ERCC3: variants seen among roughly 807,000 people sequenced by gnomAD.
ERCC3 encodes ERCC excision repair 3, TFIIH core complex helicase subunit.
ERCC3 carries 66 observed loss-of-function variants against 94.2 expected under a neutral mutation model. The ratio of observed to expected loss-of-function variants is 0.70; its 90% CI spans 0.57 to 0.86. The LOEUF is 0.86. Among genes scored for constraint, ERCC3 ranks in the 40% least tolerant of loss-of-function variants. ERCC3 has a pLI of 0.00. For synonymous variants in ERCC3, 349 were observed against 369.1 expected, an observed-to-expected ratio of 0.95 and a Z score of 0.63; for missense variants, 829 against 987.1, an observed-to-expected ratio of 0.84 and a Z score of 2.15.
Position 127,281,436 on chromosome 2 carries a change from CAAATA to C in ERCC3, c.1343-810_1343-806del, listed in dbSNP as rs371537448. On this transcript the variant is annotated intron_variant, in intron 8 of 14. Transcript: ENST00000285398. ...AACATTATAATTCTCTCTGGTTTAT[CAAATA>C]AAATAAACACATAAAGGGTATGAGT... Among the ~76,000 whole-genome samples, 302 of 152,188 alleles carry C rather than the reference CAAATA, an allele frequency of 2.0e-3. 2 individuals carry two copies. Among genetic ancestry groups the C allele is most frequent in the African/African-American group, 7.1e-3 (295 of 41,520 alleles).
chr2:127,280,564 G>A lies in ERCC3; in HGVS notation c.1410C>T (p.Leu470=), dbSNP rs199795595. The change falls in exon 9 of 15, where the codon CTC becomes CTT. Residue 470 remains leucine (L), a synonymous_variant. Coordinates refer to ENST00000285398, the MANE Select transcript of ERCC3 (RefSeq NM_000122.2). The surrounding 1 kb of genome is among the most constrained non-coding windows in gnomAD (Gnocchi z 6.3). ...CCACAATTTTGTCATCTTCGCGGAC[G>A]AGGGTCGCAGTCAAACCCAGCTTAC... is the stretch of plus-strand genomic sequence containing the variant. ...AHCKLGLTAT[L]VREDDKIVDL... The A allele has an allele frequency of 7.7e-5, 124 of 1,614,156 alleles. No homozygotes were observed. Among genetic ancestry groups the A allele is most frequent in the Non-Finnish European group, 9.7e-5 (114 of 1,180,006 alleles).
At chr2:127,281,474 T>C (rs1684908987) in intron 8 of ERCC3, among the ~76,000 whole-genome samples, 1 of 152,212 alleles carries the variant, frequency 6.6e-6, no homozygotes, top group South Asian at 2.1e-4. Context: ...AGTTATTCAT[T>C]TTTAAAAAAC....
At chr2:127,275,202 C>CTT (rs999485684) in intron 10 of ERCC3, among the ~76,000 whole-genome samples, 1 of 151,210 alleles carries the variant, frequency 6.6e-6, no homozygotes, top group African/African-American at 2.4e-5. Context: ...CACAGGATCA[C>CTT]TTTTTTTTTA....
chr2:127,269,544 C>T (rs1340769089), intron 12 of ERCC3, among the ~76,000 whole-genome samples: 1 of 150,988 alleles, frequency 6.6e-6, no homozygotes, highest in Non-Finnish European at 1.5e-5. Context: ...GCCTCAGCCT[C>T]CCGAGTAGCT....
intron 6 of ERCC3, among the ~76,000 whole-genome samples, 189 bp from the exon 7 acceptor site, chr2:127,289,053 G>T (rs1323163925): frequency 6.6e-6 from 1 of 152,214 alleles, no homozygotes; most frequent in African/African-American, 2.4e-5. Flanking sequence ...CTTTGAAAAT[G>T]AAATCTAATC....
intron 12 of ERCC3, among the ~76,000 whole-genome samples, chr2:127,268,014 T>C (rs1038861116): frequency 6.6e-6 from 1 of 152,038 alleles, no homozygotes; most frequent in African/African-American, 2.4e-5. Context: ...AGTGCAATGG[T>C]GCAATCTCGG....
Position 127,259,811 on chromosome 2 carries a change from T to A in ERCC3, c.2065-363A>T. On this transcript the variant is annotated intron_variant, in intron 13 of 14. Coordinates refer to ENST00000285398, the MANE Select transcript of ERCC3 (RefSeq NM_000122.2). The surrounding 1 kb of genome is among the most constrained non-coding windows in gnomAD (Gnocchi z 4.9). ...GCAGACAAAGGAAGGGACAAGTGACTGGAAGGCACAGGCTGTGGCCCTTTG... is the reference window on the plus strand; with the variant it reads ...GCAGACAAAGGAAGGGACAAGTGACAGGAAGGCACAGGCTGTGGCCCTTTG... 1 of 358,250 alleles carries A rather than the reference T, an allele frequency of 2.8e-6. No homozygotes were observed. The highest frequency in any genetic ancestry group is 5.4e-6 in the Non-Finnish European group (1 of 184,486). The allele number at this position is 358,250 out of a possible 1,614,324, so 22.2% of individuals were successfully genotyped here. A position where few individuals can be genotyped will look rare whatever the true frequency, so the allele number is the denominator to read the frequency against.
chr2:127,288,997 T>C, intron 6 of ERCC3, 133 bp from the exon 7 acceptor site: 1 of 836,728 alleles, frequency 1.2e-6, no homozygotes, highest in South Asian at 1.4e-5. Flanking sequence ...TCTTGCTCAG[T>C]CAACAACCGG....
rs374264195 is a variant in ERCC3 at position 127,286,889 on chromosome 2, C to T, written c.1156G>A (p.Asp386Asn). ...AQFKMWSTIDDSQICRFTSDA... is the reference protein window; with the variant it reads ...AQFKMWSTIDNSQICRFTSDA... The stretch of plus-strand genomic sequence containing the variant: ...GAGGTGAACCGGCAGATCTGGCTGT[C>T]GTCAATGGTGGACCACATCTTGAAC... The change falls in exon 8 of 15, where the codon GAC becomes AAC. Residue 386 changes from aspartate to asparagine, a missense_variant. By Grantham distance (23) the Asp-to-Asn change is conservative (BLOSUM62 1). Coordinates refer to ENST00000285398, the MANE Select transcript of ERCC3 (RefSeq NM_000122.2). 2.0e-5 allele frequency: 32 copies of T among 1,614,066 alleles called. No individual in the cohort carries two copies. The highest frequency in any genetic ancestry group is 6.7e-5 in the East Asian group (3 of 44,900).
Position 127,260,946 on chromosome 2 carries a change from T to C in ERCC3, c.2064+282A>G, listed in dbSNP as rs4150515. Reference sequence around the variant, plus strand: ...CAGCTGATGAAAGGAAGAGCTCTCCTAGCTACCTAGAGAGGCATCCCTGAG... The same window carrying C: ...CAGCTGATGAAAGGAAGAGCTCTCCCAGCTACCTAGAGAGGCATCCCTGAG... On this transcript the variant is annotated intron_variant, in intron 13 of 14. Coordinates refer to ENST00000285398, the MANE Select transcript of ERCC3 (RefSeq NM_000122.2). 0.07 allele frequency: 31,714 copies of C among 449,922 alleles called. 1,525 individuals are homozygous for C. The highest frequency in any genetic ancestry group is 0.17 in the African/African-American group (8,478 of 50,492). 27.9% of individuals were successfully genotyped at this position (449,922 alleles called of 1,614,324 possible).
chr2:127,285,489 G>C (rs187043570), intron 8 of ERCC3, among the ~76,000 whole-genome samples: 1 of 152,270 alleles, frequency 6.6e-6, no homozygotes, highest in Admixed American at 6.5e-5. Flanking sequence ...TCAGGAGTTT[G>C]AGACCAGCCT....
intron 12 of ERCC3, among the ~76,000 whole-genome samples, chr2:127,263,081 G>T (rs1558947913): frequency 1.3e-5 from 2 of 152,232 alleles, no homozygotes; most frequent in African/African-American, 4.8e-5. Flanking sequence ...ATAGTTTGAA[G>T]TTGGATACTG....
rs1251030097 is a variant in ERCC3 at position 127,290,264 on chromosome 2, C to G, written c.481G>C (p.Val161Leu). 3 of 1,613,400 alleles carry G rather than the reference C, an allele frequency of 1.9e-6. No homozygotes were observed. Among genetic ancestry groups the G allele is most frequent in the Admixed American group, 3.3e-5 (2 of 60,002 alleles). The change falls in exon 4 of 15, where the codon GTC (valine) becomes CTC (leucine). Residue 161 changes from valine to leucine, a missense_variant. Transcript: ENST00000285398. Reference protein sequence around the residue: ...GIMQFIKLCTVSYGKVKLVLK... With the variant: ...GIMQFIKLCTLSYGKVKLVLK... ...ACCAGCTTGACTTTTCCATAGCTGA[C>G]AGTACACAACTGCAAATACAGATAA...
intron 12 of ERCC3, among the ~76,000 whole-genome samples, chr2:127,269,289 G>A (rs1573937162): frequency 6.6e-6 from 1 of 152,180 alleles, no homozygotes; most frequent in Non-Finnish European, 1.5e-5. Context: ...TAGTTCAAAT[G>A]TCAGTAGGTT....
chr2:127,288,338 C>A (rs2104773720), intron 7 of ERCC3, among the ~76,000 whole-genome samples: 1 of 152,308 alleles, frequency 6.6e-6, no homozygotes, highest in Non-Finnish European at 1.5e-5. Context: ...AATCTCACCC[C>A]TCATGTGCTC....
At chr2:127,283,932 G>C (rs1422256152) in intron 8 of ERCC3, among the ~76,000 whole-genome samples, 2 of 152,132 alleles carry the variant, frequency 1.3e-5, no homozygotes, top group African/African-American at 4.8e-5. Context: ...ATGCCTAACA[G>C]GAAACTCAAA....
At chr2:127,263,895 G>A (rs1301353864) in intron 12 of ERCC3, among the ~76,000 whole-genome samples, 5 of 151,964 alleles carry the variant, frequency 3.3e-5, no homozygotes, top group Non-Finnish European at 7.4e-5. Flanking sequence ...TTTTAGTAGG[G>A]ATGGGGTTTC....
rs1684293376 is a variant in ERCC3, at chr2:127,264,496, A to G, written c.1946-3150T>C. Among the ~76,000 whole-genome samples, 1 of 152,206 alleles carries G rather than the reference A, an allele frequency of 6.6e-6. No homozygotes were observed. Among genetic ancestry groups the G allele is most frequent in the African/African-American group, 2.4e-5 (1 of 41,458 alleles). On this transcript the variant is annotated intron_variant, in intron 12 of 14. Coordinates refer to ENST00000285398, the MANE Select transcript of ERCC3 (RefSeq NM_000122.2). The surrounding 1 kb of genome is among the most constrained non-coding windows in gnomAD (Gnocchi z 4.4). ...AAACAAAAAACCTTTTTCTGTGTCT[A>G]TTAGGATAATTATATGCTTTTCATT...
intron 3 of ERCC3, chr2:127,292,234 G>A (rs1301598107): frequency 2.8e-6 from 1 of 359,402 alleles, no homozygotes; most frequent in African/African-American, 2.1e-5. Flanking sequence ...GACAAAATTT[G>A]AGGGGAACAC....
Sources: gnomAD v4.1 joint callset for allele counts (sites outside exome capture counted in the v4.1 genomes callset) on GRCh38, gnomAD v4.1.1 for gene constraint, Gnocchi (gnomAD v3.1) non-coding constraint, MANE v1.5 for transcripts, NCBI Gene and HGNC (gene_info 2026-07-23, HGNC 2026-07-21) for gene names.